Variants in KAT6B observed in about 807,000 individuals in gnomAD.
KAT6B encodes the protein histone acetyltransferase KAT6B.
KAT6B carries 10 observed loss-of-function variants against 187.5 expected under a neutral mutation model. The observed-to-expected ratio is 0.05, with a 90% CI of 0.03 to 0.09. The LOEUF is 0.09. KAT6B is among the 10% of genes least tolerant of loss of function. The pLI is 1.00. For synonymous variants in KAT6B, 861 were observed against 926.8 expected (o/e 0.93, Z 1.29); for missense variants, 1,952 against 2,558.9 (o/e 0.76, Z 5.12).
chr10:74,852,171 C>T (rs1009387705), intron 3 of KAT6B, among the ~76,000 whole-genome samples: 4 of 152,168 alleles, frequency 2.6e-5, no homozygotes, highest in Non-Finnish European at 4.4e-5. Context: ...TCTCTGTTGA[C>T]CTTCTTAGTT....
intron 3 of KAT6B, among the ~76,000 whole-genome samples, chr10:74,916,207 CAT>C (rs1012357108): frequency 6.6e-6 from 1 of 152,174 alleles, no homozygotes; most frequent in African/African-American, 2.4e-5. Flanking sequence ...TTTTTATACT[CAT>C]GTGCTATTAT....
chr10:74,898,997 C>CAAAA (rs776291985), intron 3 of KAT6B, among the ~76,000 whole-genome samples: 3 of 108,074 alleles, frequency 2.8e-5, no homozygotes, highest in African/African-American at 1.2e-4. Context: ...ACTAAAAATA[C>CAAAA]AAAAAAAAAA....
In KAT6B at chr10:74,975,829, A is replaced by G. The variant is rs1195082951; in HGVS notation, c.1492A>G (p.Thr498Ala). 1 of 1,613,232 alleles carries G rather than the reference A, an allele frequency of 6.2e-7. No homozygotes were observed. The highest frequency in any genetic ancestry group is 1.1e-5 in the South Asian group (1 of 91,026). ...KPPPSSLPPP[T>A]PISGQSPSSQ... ...TCCACCTTCTTCACTTCCACCCCCA[A>G]CCCCCATCTCCGGTCAGAGCCCCAG... The change falls in exon 8 of 18, where the codon ACC (threonine) becomes GCC (alanine). Residue 498 changes from threonine to alanine, a missense_variant. By Grantham distance (58) the Thr-to-Ala change is moderately conservative (BLOSUM62 0). Coordinates refer to ENST00000287239, the MANE Select transcript of KAT6B (RefSeq NM_012330.4).
chr10:74,864,221 A>G (rs1047722530), intron 3 of KAT6B, among the ~76,000 whole-genome samples: 1 of 151,706 alleles, frequency 6.6e-6, no homozygotes, highest in Non-Finnish European at 1.5e-5. Flanking sequence ...GGTGCACACC[A>G]CCATGCCCAG....
rs142036769 is a variant in KAT6B at position 75,011,928 on chromosome 10, G to A, written c.2630-8654G>A. 1.9e-3 allele frequency among the ~76,000 whole-genome samples: 295 copies of A among 152,244 alleles called. 1 individual carries two copies. The highest frequency in any genetic ancestry group is 6.8e-3 in the African/African-American group (282 of 41,540). The stretch of plus-strand genomic sequence containing the variant: ...ATTAGGCACCACTGCTACCACTATA[G>A]CCCTGTGAGGTGGCAAAAATGAAGA... On this transcript the variant is annotated intron_variant, in intron 13 of 17. Transcript: ENST00000287239.
chr10:74,830,259 C>G (rs1329829163), intron 1 of KAT6B, among the ~76,000 whole-genome samples: 1 of 151,982 alleles, frequency 6.6e-6, no homozygotes, highest in Non-Finnish European at 1.5e-5. Flanking sequence ...GAGAATACAC[C>G]AATTTTCGTA....
chr10:74,835,073 G>A (rs1016205024), intron 1 of KAT6B, among the ~76,000 whole-genome samples: 10 of 152,176 alleles, frequency 6.6e-5, no homozygotes, highest in Admixed American at 1.3e-4. Context: ...TTATAGTCTA[G>A]TAGGGGTGAC....
rs759212867 is a variant in KAT6B at position 74,976,186 on chromosome 10, A to G, written c.1849A>G (p.Ile617Val). 13 of 1,614,032 alleles carry G rather than the reference A, an allele frequency of 8.1e-6. No individual in the cohort carries two copies. The highest frequency in any genetic ancestry group is 2.2e-5 in the East Asian group (1 of 44,888). The change falls in exon 8 of 18, where the codon ATT becomes GTT. Residue 617 changes from isoleucine (I) to valine (V), a missense_variant. Coordinates refer to ENST00000287239, the MANE Select transcript of KAT6B (RefSeq NM_012330.4). ...GGCTAGAGGAAGTATTTTTAAAGCA[A>G]TTGCTCACTTCAAGCGAACAACTTT... ...GMARGSIFKA[I>V]AHFKRTTFLK...
chr10:74,834,408 G>C (rs185428255), intron 1 of KAT6B, among the ~76,000 whole-genome samples: 2 of 152,286 alleles, frequency 1.3e-5, no homozygotes, highest in Admixed American at 1.3e-4. Context: ...ATGTTGGCCA[G>C]GATGGTCTCA....
At chr10:74,917,949 CT>C (rs1172068847) in intron 3 of KAT6B, among the ~76,000 whole-genome samples, 4 of 152,034 alleles carry the variant, frequency 2.6e-5, no homozygotes, top group African/African-American at 9.7e-5. Flanking sequence ...ACAAAGCTAC[CT>C]TTTTTCATTA....
At position 74,869,399 on chromosome 10, in the gene KAT6B, G is replaced by A. The variant is rs547031357; in HGVS notation, c.621+25921G>A. Among the ~76,000 whole-genome samples the A allele has an allele frequency of 1.6e-3, 238 of 152,168 alleles. 2 individuals carry two copies. Among genetic ancestry groups the A allele is most frequent in the Non-Finnish European group, 2.8e-3 (189 of 67,986 alleles). On this transcript the variant is annotated intron_variant, in intron 3 of 17. Transcript: ENST00000287239. ...TGCAACCTCTGTCTCCTGAGTTCAG[G>A]TGATTCTCCTGCTTCAGCCTCCCTT...
Position 75,031,179 on chromosome 10 carries a change from A to G in KAT6B, c.*133A>G, listed in dbSNP as rs865808228. ...AACATTTGTTGGCACCATTTATTTA[A>G]AAAAAAAAAAAGCTGTATGCAGCAG... On this transcript the variant is annotated 3_prime_UTR_variant, in exon 18 of 18. Transcript: ENST00000287239. 1 of 738,030 alleles carries G rather than the reference A, an allele frequency of 1.4e-6. No homozygotes were observed. 45.7% of individuals were successfully genotyped at this position (738,030 alleles called of 1,614,324 possible).
Position 74,871,706 on chromosome 10 carries a change from G to T in KAT6B, c.621+28228G>T, listed in dbSNP as rs185498399. ...AATAGGCTGCAACACTCACTCTAAG[G>T]GGAGCATTGTGAGGTATACCAAGAT... On this transcript the variant is annotated intron_variant, in intron 3 of 17. Transcript: ENST00000287239. Among the ~76,000 whole-genome samples the T allele has an allele frequency of 3.8e-4, 58 of 152,246 alleles. 1 individual carries two copies. The East Asian group carries it at 0.01, about 26-fold the overall frequency.
At chr10:74,990,587 T>C (rs1011210952) in intron 13 of KAT6B, among the ~76,000 whole-genome samples, 3 of 152,212 alleles carry the variant, frequency 2.0e-5, no homozygotes, top group Admixed American at 6.5e-5. Context: ...CCTAGTCTTA[T>C]CTATACTTTC....
At chr10:74,924,576 GA>G (rs1848356682) in intron 3 of KAT6B, among the ~76,000 whole-genome samples, 1 of 152,192 alleles carries the variant, frequency 6.6e-6, no homozygotes, top group Admixed American at 6.5e-5. Flanking sequence ...GAGAGAAAGG[GA>G]CGTTACCCCT....
intron 10 of KAT6B, among the ~76,000 whole-genome samples, chr10:74,981,294 T>G (rs11001234): frequency 2.1e-3 from 309 of 143,742 alleles, no homozygotes; most frequent in African/African-American, 6.4e-3. Context: ...TGGCTGGCTT[T>G]CTTTCTTTCT....
chr10:74,894,315 C>G (rs935809064), intron 3 of KAT6B, among the ~76,000 whole-genome samples: 1 of 152,184 alleles, frequency 6.6e-6, no homozygotes, highest in Non-Finnish European at 1.5e-5. Context: ...CTCCTGACCT[C>G]AAGTGATCCA....
intron 3 of KAT6B, among the ~76,000 whole-genome samples, chr10:74,875,466 C>CT (rs1282689342): frequency 6.7e-5 from 10 of 149,994 alleles, no homozygotes; most frequent in Non-Finnish European, 1.2e-4. Context: ...AATTGTCTTC[C>CT]TTTTTTTCTT....
chr10:74,834,004 T>A (rs554851769), intron 1 of KAT6B, among the ~76,000 whole-genome samples: 1 of 152,312 alleles, frequency 6.6e-6, no homozygotes, highest in Admixed American at 6.5e-5. Context: ...TTGCTTTTGT[T>A]TTTTCTTTCA....
Sources: allele counts gnomAD v4.1 joint callset (sites outside exome capture counted in the v4.1 genomes callset), GRCh38; gene constraint gnomAD v4.1.1; transcripts MANE v1.5; gene names NCBI Gene and HGNC (gene_info 2026-07-23, HGNC 2026-07-21).